Variants in TENM4 observed in about 807,000 individuals in gnomAD.
TENM4 encodes teneurin transmembrane protein 4.
A neutral mutation model predicts 243.3 loss-of-function variants in TENM4; 82 were observed. The observed-to-expected ratio is 0.34, with a 90% confidence interval of 0.28 to 0.40. TENM4 has a LOEUF of 0.40. TENM4 is among the 10% of genes least tolerant of loss of function. TENM4 has a pLI of 1.00. For missense variants in TENM4, 3,138 were observed against 3,673.3 expected (o/e 0.85, Z 3.77); for synonymous variants, 1,412 against 1,456.3 (o/e 0.97, Z 0.69).
At chr11:79,308,520 A>G (rs1856664404) in intron 1 of TENM4, among the ~76,000 whole-genome samples, 1 of 152,230 alleles carries the variant, frequency 6.6e-6, no homozygotes, top group Non-Finnish European at 1.5e-5. Context: ...GAGACTGCTA[A>G]TGCTATTGTG....
chr11:78,795,876 A>C (rs1857150988), intron 15 of TENM4, among the ~76,000 whole-genome samples: 1 of 152,148 alleles, frequency 6.6e-6, no homozygotes, highest in Non-Finnish European at 1.5e-5. Flanking sequence ...ACAGCAAAGG[A>C]ACCTCTGACT....
chr11:78,899,561 G>GGGGGC lies in TENM4; in HGVS notation c.749+3706_749+3707insGCCCC, dbSNP rs1565429975. ...CCACTGCACTCTGTCTCAAAAAGCG[G>GGGGGC]GGGGGGGGGGAAAAAGAAAAAAGAA... On this transcript the variant is annotated intron_variant, in intron 7 of 33. Transcript: ENST00000278550. Among the ~76,000 whole-genome samples, 18 of 127,288 alleles carry GGGGGC rather than the reference G, an allele frequency of 1.4e-4. 2 individuals carry two copies. The highest frequency in any genetic ancestry group is 4.4e-4 in the African/African-American group (13 of 29,614). The allele number at this position is 127,288 out of a possible 152,430, so 83.5% of individuals were successfully genotyped here.
At chr11:79,096,303 C>G (rs1350287556) in intron 4 of TENM4, 3 of 152,214 alleles carry the variant, frequency 2.0e-5, no homozygotes, top group Admixed American at 6.6e-5. Context: ...GTGCTCGGCA[C>G]CAGGCTGACA....
chr11:79,208,459 T>C (rs951182733), intron 3 of TENM4, among the ~76,000 whole-genome samples: 4 of 152,180 alleles, frequency 2.6e-5, no homozygotes, highest in Non-Finnish European at 5.9e-5. Flanking sequence ...GTTGTAAAGA[T>C]TAAATGAGCT....
intron 22 of TENM4, among the ~76,000 whole-genome samples, chr11:78,727,555 T>C (rs1335857212): frequency 6.6e-6 from 1 of 152,144 alleles, no homozygotes; most frequent in Non-Finnish European, 1.5e-5. Context: ...GACTATGGTG[T>C]TTTTTAAATT....
Position 78,805,332 on chromosome 11 carries a change from G to A in TENM4, c.2139C>T (p.Cys713=), listed in dbSNP as rs1319346148. Residue 713 remains cysteine (C), a synonymous_variant, in exon 15 of 34, where the codon TGC becomes TGT. Coordinates refer to ENST00000278550, the MANE Select transcript of TENM4 (RefSeq NM_001098816.3). ...HGTFLPDTGL[C]SCDPSWTGHD... Reference sequence around the variant, plus strand: ...GTCCAGTCCAGCTTGGGTCACAGCTGCAAAGCCCGGTGTCCGGGAGGAAGG... The same window carrying A: ...GTCCAGTCCAGCTTGGGTCACAGCTACAAAGCCCGGTGTCCGGGAGGAAGG... 1.9e-6 allele frequency: 2 copies of A among 1,041,638 alleles called. No individual in the cohort carries two copies. The highest frequency in any genetic ancestry group is 3.4e-5 in the Admixed American group (1 of 29,322). The allele number at this position is 1,041,638 out of a possible 1,614,324, so 64.5% of individuals were successfully genotyped here.
rs559647716 is a variant in TENM4 at position 79,068,695 on chromosome 11, A to G, written c.223+1027T>C. Among the ~76,000 whole-genome samples the G allele has an allele frequency of 1.1e-4, 17 of 152,322 alleles. No individual in the cohort carries two copies. In the East Asian group the frequency reaches 2.7e-3, roughly 24 times the overall value. On this transcript the variant is annotated intron_variant, in intron 5 of 33. Transcript: ENST00000278550. ...CTGCACAAATTGTCAGGCATTGGTC[A>G]TGACCCAACAGGCATCAAAGAGGGC...
chr11:79,340,272 G>A (rs1028159107), intron 1 of TENM4, among the ~76,000 whole-genome samples: 6 of 152,192 alleles, frequency 3.9e-5, no homozygotes, highest in Non-Finnish European at 2.9e-5. Flanking sequence ...CATTACTGGA[G>A]TTGATCCTCC....
intron 15 of TENM4, 28 bp from the exon 16 acceptor site, chr11:78,787,111 A>G (rs746230295): frequency 4.9e-5 from 74 of 1,524,436 alleles, no homozygotes; most frequent in Non-Finnish European, 6.5e-5. Context: ...AGAAGGGAGG[A>G]CACCAGGGCC....
intron 1 of TENM4, among the ~76,000 whole-genome samples, chr11:79,353,069 G>T (rs1201601878): frequency 1.3e-5 from 2 of 152,070 alleles, no homozygotes; most frequent in African/African-American, 4.8e-5. Context: ...TCCCAGGTAG[G>T]GGGACAGGCA....
At chr11:79,164,504 A>G (rs1314589807) in intron 3 of TENM4, among the ~76,000 whole-genome samples, 3 of 123,214 alleles carry the variant, frequency 2.4e-5, no homozygotes, top group African/African-American at 3.4e-5. Flanking sequence ...GTGTATATAT[A>G]TACACTATAC....
At chr11:78,930,591 A>G (rs1856646039) in intron 6 of TENM4, among the ~76,000 whole-genome samples, 4 of 152,196 alleles carry the variant, frequency 2.6e-5, no homozygotes, top group African/African-American at 9.6e-5. Flanking sequence ...ACAAAGCCTC[A>G]ATGTCAGGAT....
At position 79,313,746 on chromosome 11, in the gene TENM4, G is replaced by A. The variant is rs575570520; in HGVS notation, c.-320-16203C>T. On this transcript the variant is annotated intron_variant, in intron 1 of 33. Transcript: ENST00000278550. ...ACCGAGCTCCAGCAGTGACAACAGA[G>A]GCTCTTCTGTTTCCCTCCGCAAGCA... Among the ~76,000 whole-genome samples the A allele has an allele frequency of 8.5e-5, 13 of 152,258 alleles. 1 individual carries two copies. The South Asian group carries it at 2.5e-3, about 29-fold the overall frequency.
intron 6 of TENM4, among the ~76,000 whole-genome samples, chr11:79,048,728 G>A (rs1591240277): frequency 6.6e-6 from 1 of 152,218 alleles, no homozygotes; most frequent in Admixed American, 6.5e-5. Flanking sequence ...TTCTGTACCC[G>A]GATACCAGGT....
Position 78,757,034 on chromosome 11 carries a change from C to T in TENM4, c.2540-13G>A, listed in dbSNP as rs768421085. ...TCCACCAGGCCATCTGCAGGAGTGA[C>T]AGAGCATGTGGTTTATATTGCTATG... On this transcript the variant is annotated splice_polypyrimidine_tract_variant and intron_variant, in intron 18 of 33. Coordinates refer to ENST00000278550, the MANE Select transcript of TENM4 (RefSeq NM_001098816.3). The T allele has an allele frequency of 2.0e-5, 32 of 1,611,788 alleles. 1 individual carries two copies. Among genetic ancestry groups the T allele is most frequent in the Middle Eastern group, 1.6e-4 (1 of 6,074 alleles).
At chr11:78,668,847 T>A (rs1858230785) in intron 32 of TENM4, 90 bp downstream of exon 32, 1 of 1,472,832 alleles carries the variant, frequency 6.8e-7, no homozygotes, top group Non-Finnish European at 9.1e-7. Context: ...TCCTGTCACC[T>A]TATGCCAGCT....
At chr11:79,225,315 C>A (rs1323877433) in intron 2 of TENM4, among the ~76,000 whole-genome samples, 1 of 152,204 alleles carries the variant, frequency 6.6e-6, no homozygotes, top group Non-Finnish European at 1.5e-5. Flanking sequence ...CAGAAAAAAT[C>A]TAAACAGAAT....
chr11:78,807,534 A>G (rs1233223955), intron 14 of TENM4, among the ~76,000 whole-genome samples: 1 of 152,220 alleles, frequency 6.6e-6, no homozygotes, highest in Non-Finnish European at 1.5e-5. Flanking sequence ...GTTCATATGG[A>G]AAGTGCAACA....
At chr11:79,417,162 T>C (rs1014858821) in intron 1 of TENM4, among the ~76,000 whole-genome samples, 1 of 152,240 alleles carries the variant, frequency 6.6e-6, no homozygotes, top group Non-Finnish European at 1.5e-5. Flanking sequence ...AGAACTTTAC[T>C]TTTGCTCTTT....
Sources: gnomAD v4.1 joint callset for allele counts (sites outside exome capture counted in the v4.1 genomes callset) on GRCh38, gnomAD v4.1.1 for gene constraint, MANE v1.5 for transcripts, NCBI Gene and HGNC (gene_info 2026-07-23, HGNC 2026-07-21) for gene names.